CCNY: variants seen among roughly 807,000 people sequenced by gnomAD.
CCNY encodes the protein cyclin-Y.
CCNY carries 19 observed loss-of-function variants against 42.8 expected under a neutral mutation model. The observed-to-expected ratio is 0.44, with a 90% CI of 0.31 to 0.65. CCNY has a LOEUF of 0.65. Ranked by LOEUF, CCNY falls within the 30% of genes least tolerant of loss-of-function variation. CCNY has a pLI of 0.07. For missense variants in CCNY, 370 were observed against 437.3 expected (o/e 0.85, Z 1.37); for synonymous variants, 165 against 162.7 (o/e 1.01, Z -0.11).
chr10:35,354,391 G>A (rs1461889437), intron 1 of CCNY, among the ~76,000 whole-genome samples: 2 of 151,958 alleles, frequency 1.3e-5, no homozygotes, highest in Non-Finnish European at 2.9e-5. Context: ...TCACAAATTG[G>A]CCAGGCTGGT....
At chr10:35,467,381 T>C (rs1399337588) in intron 1 of CCNY, among the ~76,000 whole-genome samples, 15 of 152,236 alleles carry the variant, frequency 9.9e-5, no homozygotes, top group Admixed American at 9.8e-4. Flanking sequence ...TTTCTCATTG[T>C]GTGGGACACT....
intron 1 of CCNY, among the ~76,000 whole-genome samples, chr10:35,383,079 T>TGC (rs1453610381): frequency 6.6e-6 from 1 of 152,164 alleles, no homozygotes; most frequent in Non-Finnish European, 1.5e-5. Context: ...ATGCAAAACC[T>TGC]GCGTGACCAA....
intron 1 of CCNY, among the ~76,000 whole-genome samples, chr10:35,403,980 A>G (rs902141313): frequency 6.6e-6 from 1 of 152,264 alleles, no homozygotes; most frequent in Non-Finnish European, 1.5e-5. Context: ...CATGGGGGTC[A>G]GGTGTGGTAT....
chr10:35,307,508 A>G (rs1014729139), intron 3 of CCNY, among the ~76,000 whole-genome samples: 4 of 152,128 alleles, frequency 2.6e-5, no homozygotes, highest in Admixed American at 2.0e-4. Context: ...TCACTCACCC[A>G]ACTGGGTGTT....
intron 4 of CCNY, among the ~76,000 whole-genome samples, chr10:35,520,060 C>T (rs1033601620): frequency 2.0e-5 from 3 of 152,132 alleles, no homozygotes; most frequent in Non-Finnish European, 2.9e-5. Flanking sequence ...CCACAGTGCC[C>T]AGCCAAAAGT....
At chr10:35,543,218 A>G (rs1466494348) in intron 7 of CCNY, among the ~76,000 whole-genome samples, 1 of 152,198 alleles carries the variant, frequency 6.6e-6, no homozygotes, top group Non-Finnish European at 1.5e-5. Flanking sequence ...TTATTCACTA[A>G]AAGGACTCAC....
chr10:35,259,295 C>T (rs1311630770), intron 3 of CCNY, among the ~76,000 whole-genome samples: 2 of 151,896 alleles, frequency 1.3e-5, no homozygotes, highest in Non-Finnish European at 2.9e-5. Flanking sequence ...TTCACTGTGG[C>T]CTTGACTTCC....
At position 35,266,456 on chromosome 10, in the gene CCNY, A is replaced by C. The variant is rs113114094; in HGVS notation, c.-9+15830A>C. Among the ~76,000 whole-genome samples, 1,509 of 151,996 alleles carry C rather than the reference A, an allele frequency of 9.9e-3. 22 individuals carry two copies. The highest frequency in any genetic ancestry group is 0.035 in the African/African-American group (1,443 of 41,470). ...TGATTTTTTGATCACTTGGTGGAGG[A>C]ATTCCATGTAGCAGACTGATTTAAA... On this transcript the variant is annotated intron_variant, in intron 3 of 11. Transcript: ENST00000374706.
chr10:35,522,082 G>A (rs1363884486), intron 4 of CCNY, among the ~76,000 whole-genome samples: 1 of 152,114 alleles, frequency 6.6e-6, no homozygotes, highest in Non-Finnish European at 1.5e-5. Flanking sequence ...AAGCCAGAGC[G>A]CCAGTTTACC....
intron 1 of CCNY, among the ~76,000 whole-genome samples, chr10:35,406,581 G>A (rs1837778602): frequency 6.6e-6 from 1 of 152,182 alleles, no homozygotes; most frequent in African/African-American, 2.4e-5. Context: ...CAAGGCAGAA[G>A]AACTTTTCTT....
intron 3 of CCNY, among the ~76,000 whole-genome samples, chr10:35,514,075 C>CAAAAAAAAAAAAAAAAA (rs11451104): frequency 2.6e-5 from 2 of 76,180 alleles, no homozygotes; most frequent in African/African-American, 5.0e-5. Context: ...AGGACCAGTT[C>CAAAAAAAAAAAAAAAAA]AAAAAAAAAA....
At position 35,291,554 on chromosome 10, in the gene CCNY, C is replaced by T. The variant is rs528227789; in HGVS notation, c.-9+40928C>T. Among the ~76,000 whole-genome samples the T allele has an allele frequency of 8.4e-3, 951 of 113,110 alleles. 28 individuals carry two copies. The South Asian group carries it at 0.12, about 14-fold the overall frequency. The allele number at this position is 113,110 out of a possible 152,430, so 74.2% of individuals were successfully genotyped here. On this transcript the variant is annotated intron_variant, in intron 3 of 11. Transcript: ENST00000374706. The stretch of plus-strand genomic sequence containing the variant: ...TTTTTTTTTTTTTTTTTTTTTGAGA[C>T]AGAGTCTCACTCTGTAACTCAGGCT...
At chr10:35,458,000 C>G (rs1437290737) in intron 1 of CCNY, among the ~76,000 whole-genome samples, 1 of 152,066 alleles carries the variant, frequency 6.6e-6, no homozygotes, top group Non-Finnish European at 1.5e-5. Flanking sequence ...TTTCTCTTCT[C>G]CCTTGTTTTT....
At chr10:35,524,807 G>A (rs1840619125) in intron 4 of CCNY, among the ~76,000 whole-genome samples, 1 of 152,192 alleles carries the variant, frequency 6.6e-6, no homozygotes, top group African/African-American at 2.4e-5. Context: ...TTTTTTACCT[G>A]TCCAGTTGGA....
chr10:35,291,619 C>T (rs1189102003), intron 3 of CCNY, among the ~76,000 whole-genome samples: 2 of 150,504 alleles, frequency 1.3e-5, no homozygotes, highest in African/African-American at 2.5e-5. Flanking sequence ...CTACCTCTAC[C>T]TCCCGGGTCC....
intron 1 of CCNY, among the ~76,000 whole-genome samples, chr10:35,393,280 G>A (rs1837453765): frequency 6.6e-6 from 1 of 152,156 alleles, no homozygotes; most frequent in Admixed American, 6.5e-5. Context: ...GAAAGATGAG[G>A]CAATCAAATA....
At chr10:35,271,314 A>G (rs575816796) in intron 3 of CCNY, among the ~76,000 whole-genome samples, 2 of 152,260 alleles carry the variant, frequency 1.3e-5, no homozygotes, top group East Asian at 1.9e-4. Context: ...CAGTGGATGG[A>G]TTGCTGAAGG....
chr10:35,457,643 C>T (rs1839066233), intron 1 of CCNY, among the ~76,000 whole-genome samples: 1 of 151,882 alleles, frequency 6.6e-6, no homozygotes, highest in Non-Finnish European at 1.5e-5. Flanking sequence ...TGCAGTGGCA[C>T]AGTCTCGGCT....
At chr10:35,359,964 A>G (rs1184904796) in intron 1 of CCNY, among the ~76,000 whole-genome samples, 1 of 152,230 alleles carries the variant, frequency 6.6e-6, no homozygotes, top group African/African-American at 2.4e-5. Flanking sequence ...AGGCTGAATA[A>G]TGTTTTATTG....
Sources: gnomAD v4.1 joint callset for allele counts (sites outside exome capture counted in the v4.1 genomes callset) on GRCh38, gnomAD v4.1.1 for gene constraint, MANE v1.5 for transcripts, NCBI Gene and HGNC (gene_info 2026-07-23, HGNC 2026-07-21) for gene names.